Variants in TTC9 observed in about 807,000 individuals in gnomAD.
TTC9 encodes the protein tetratricopeptide repeat domain 9.
In TTC9, 13 loss-of-function variants were observed where a neutral mutation model predicts 22.9. The observed-to-expected ratio is 0.57, with a 90% CI of 0.37 to 0.90. The LOEUF is 0.90. TTC9 is among the 40% of genes least tolerant of loss of function. TTC9 has a pLI of 0.01. For synonymous variants in TTC9, 148 were observed against 133.2 expected, an observed-to-expected ratio of 1.11 and a Z score of -0.77; for missense variants, 280 against 291.8, an observed-to-expected ratio of 0.96 and a Z score of 0.29.
At chr14:70,643,780 A>T (rs917333265) in intron 1 of TTC9, among the ~76,000 whole-genome samples, 2 of 152,212 alleles carry the variant, frequency 1.3e-5, no homozygotes, top group African/African-American at 4.8e-5. Flanking sequence ...CCAGAATGCC[A>T]TGCCCAGTCT....
At chr14:70,650,173 G>A (rs1387077750) in intron 1 of TTC9, among the ~76,000 whole-genome samples, 1 of 152,218 alleles carries the variant, frequency 6.6e-6, no homozygotes, top group East Asian at 1.9e-4. Flanking sequence ...CAGCGGTGCA[G>A]CACTTTTGGA....
chr14:70,644,517 C>T (rs1885875616), intron 1 of TTC9, among the ~76,000 whole-genome samples: 1 of 152,092 alleles, frequency 6.6e-6, no homozygotes, highest in Non-Finnish European at 1.5e-5. Flanking sequence ...CTCAAGGCTC[C>T]GGAGCCATTC....
intron 1 of TTC9, among the ~76,000 whole-genome samples, chr14:70,644,384 A>G (rs1376018665): frequency 1.3e-5 from 2 of 152,230 alleles, no homozygotes; most frequent in African/African-American, 2.4e-5. Context: ...TGCCTTCTCC[A>G]GTGCTCACCA....
rs751915055 is a variant in TTC9 at position 70,642,409 on chromosome 14, C to T, written c.280C>T (p.Pro94Ser). Residue 94 changes from proline (P) to serine (S), a missense_variant, in exon 1 of 3, where the codon CCC becomes TCC. Pro to Ser is a moderately conservative substitution (Grantham distance 74). Coordinates refer to ENST00000256367, the MANE Select transcript of TTC9 (RefSeq NM_015351.2). ...GGAGCTGAAGGGGCTGCTGCCGCCCCCCGGGGAACGGGAGCGGGACTCGCG... is the reference window on the plus strand; with the variant it reads ...GGAGCTGAAGGGGCTGCTGCCGCCCTCCGGGGAACGGGAGCGGGACTCGCG... Reference protein sequence around the residue: ...LLELKGLLPPPGERERDSRPA... With the variant: ...LLELKGLLPPSGERERDSRPA... The T allele has an allele frequency of 1.3e-6, 2 of 1,597,836 alleles. No individual in the cohort carries two copies. The highest frequency in any genetic ancestry group is 1.7e-6 in the Non-Finnish European group (2 of 1,173,494).
At chr14:70,659,443 C>T (rs758782241) in intron 1 of TTC9, among the ~76,000 whole-genome samples, 2 of 152,100 alleles carry the variant, frequency 1.3e-5, no homozygotes, top group African/African-American at 4.8e-5. Context: ...AAACCAGAAA[C>T]GTGTCATGTC....
chr14:70,642,354 A>G lies in TTC9; in HGVS notation c.225A>G (p.Glu75=), dbSNP rs776585322. ...GCTACAAGGACAAGAAATTCCGTGA[A>G]GCCATAGGCAAATACCACCGGGCGT... ...AQCYKDKKFR[E]AIGKYHRALL... Residue 75 remains glutamate (E), a synonymous_variant, in exon 1 of 3, where the codon GAA becomes GAG. Transcript: ENST00000256367. The G allele has an allele frequency of 6.2e-7, 1 of 1,603,454 alleles. No homozygotes were observed. Among genetic ancestry groups the G allele is most frequent in the Non-Finnish European group, 8.5e-7 (1 of 1,175,842 alleles).
At chr14:70,648,380 G>A (rs774144701) in intron 1 of TTC9, among the ~76,000 whole-genome samples, 7 of 152,240 alleles carry the variant, frequency 4.6e-5, no homozygotes, top group Non-Finnish European at 8.8e-5. Flanking sequence ...TTCCTAAAGT[G>A]GATTTGGAAG....
rs1886336296 is a variant in TTC9 at position 70,674,195 on chromosome 14, C to T, written c.*3040C>T. ...ACTGCTGACCTATGTAGCTGGAGTA[C>T]TAATCAGGCATCTGACCTGCACTGT... is the stretch of plus-strand genomic sequence containing the variant. On this transcript the variant is annotated 3_prime_UTR_variant, in exon 3 of 3. Transcript: ENST00000256367. 1 of 152,144 alleles carries T rather than the reference C, an allele frequency of 6.6e-6. No individual in the cohort carries two copies. The highest frequency in any genetic ancestry group is 1.9e-4 in the East Asian group (1 of 5,194). The allele number at this position is 152,144 out of a possible 1,614,324, so 9.4% of individuals were successfully genotyped here.
At chr14:70,645,637 A>G (rs775381617) in intron 1 of TTC9, among the ~76,000 whole-genome samples, 38 of 152,194 alleles carry the variant, frequency 2.5e-4, no homozygotes, top group Non-Finnish European at 4.1e-4. Context: ...GGCCCATGAG[A>G]TATCTTTTCC....
chr14:70,670,486 C>T (rs935647637), intron 2 of TTC9, among the ~76,000 whole-genome samples: 9 of 151,934 alleles, frequency 5.9e-5, no homozygotes, highest in Admixed American at 4.6e-4. Flanking sequence ...GATGAAACCC[C>T]GTCTCTACTA....
intron 1 of TTC9, among the ~76,000 whole-genome samples, chr14:70,650,531 G>A (rs541671534): frequency 6.6e-6 from 1 of 152,304 alleles, no homozygotes; most frequent in Admixed American, 6.5e-5. Context: ...AGCAGAAGTG[G>A]GGCTTAGTGA....
At chr14:70,660,551 C>T (rs533204275) in intron 1 of TTC9, among the ~76,000 whole-genome samples, 6 of 152,298 alleles carry the variant, frequency 3.9e-5, no homozygotes, top group Admixed American at 1.3e-4. Context: ...TATCTCATTT[C>T]ATCATCATAA....
Position 70,642,486 on chromosome 14 carries a change from G to C in TTC9, c.357G>C (p.Gln119His). 6.5e-7 allele frequency: 1 copy of C among 1,548,344 alleles called. No individual in the cohort carries two copies. Among genetic ancestry groups the C allele is most frequent in the South Asian group, 1.2e-5 (1 of 84,126 alleles). ...ALKPGRLSEE[Q>H]SKTVEAIEID... ...AGCCCGGCCGCCTCTCGGAGGAGCAGAGCAAGACGGTGGAAGCCATCGAGA... is the reference window on the plus strand; with the variant it reads ...AGCCCGGCCGCCTCTCGGAGGAGCACAGCAAGACGGTGGAAGCCATCGAGA... The change falls in exon 1 of 3, where the codon CAG (glutamine) becomes CAC (histidine). Residue 119 changes from glutamine (Q) to histidine (H), a missense_variant. Gln to His is a conservative substitution (Grantham distance 24). Coordinates refer to ENST00000256367, the MANE Select transcript of TTC9 (RefSeq NM_015351.2).
rs1393429865 is a variant in TTC9 at position 70,672,914 on chromosome 14, TATA to T, written c.*1763_*1765del. On this transcript the variant is annotated 3_prime_UTR_variant, in exon 3 of 3. Coordinates refer to ENST00000256367, the MANE Select transcript of TTC9 (RefSeq NM_015351.2). The stretch of plus-strand genomic sequence containing the variant: ...CTATACTTAGTTGCCTCTCTGTAAG[TATA>T]ATATTGGGCAATTATAACCATTTGA... 1 of 152,248 alleles carries T rather than the reference TATA, an allele frequency of 6.6e-6. No individual in the cohort carries two copies. Among genetic ancestry groups the T allele is most frequent in the Non-Finnish European group, 1.5e-5 (1 of 68,046 alleles). 9.4% of individuals were successfully genotyped at this position (152,248 alleles called of 1,614,324 possible).
intron 1 of TTC9, among the ~76,000 whole-genome samples, chr14:70,661,359 G>A (rs1316303718): frequency 2.0e-5 from 3 of 152,210 alleles, no homozygotes; most frequent in East Asian, 1.9e-4. Context: ...GGACTGTAAC[G>A]TATCCTGTAC....
At chr14:70,664,993 G>A (rs775541544) in intron 1 of TTC9, among the ~76,000 whole-genome samples, 2 of 152,198 alleles carry the variant, frequency 1.3e-5, no homozygotes, top group Non-Finnish European at 2.9e-5. Context: ...GATTGCTGTG[G>A]TTCCTTTAAC....
chr14:70,665,296 C>A (rs1366061995), intron 1 of TTC9, among the ~76,000 whole-genome samples: 1 of 152,100 alleles, frequency 6.6e-6, no homozygotes, highest in Non-Finnish European at 1.5e-5. Context: ...GGAGCCAAGT[C>A]ACACACAGGT....
intron 1 of TTC9, among the ~76,000 whole-genome samples, chr14:70,662,388 T>C: frequency 7.4e-6 from 1 of 134,292 alleles, no homozygotes; most frequent in African/African-American, 2.8e-5. Flanking sequence ...AAGACCCACA[T>C]CAGAACATAA....
chr14:70,659,611 T>G (rs560535633), intron 1 of TTC9, among the ~76,000 whole-genome samples: 2 of 152,250 alleles, frequency 1.3e-5, no homozygotes, highest in African/African-American at 2.4e-5. Context: ...AAGGAACTAG[T>G]GGGAGAGAAG....
Sources: allele counts gnomAD v4.1 joint callset (sites outside exome capture counted in the v4.1 genomes callset), GRCh38; gene constraint gnomAD v4.1.1; transcripts MANE v1.5; gene names NCBI Gene and HGNC (gene_info 2026-07-23, HGNC 2026-07-21).